The following SGCZ variants were observed in gnomAD, a reference collection of about 807,000 sequenced individuals.
SGCZ encodes the protein zeta-sarcoglycan.
In SGCZ, 40 loss-of-function variants were observed where a neutral mutation model predicts 41.3. That is an observed-to-expected ratio of 0.97 (90% CI 0.75 to 1.26). The LOEUF (loss-of-function observed/expected upper bound fraction) is 1.26. Ranked by LOEUF, SGCZ falls within the 50% of genes most tolerant of loss-of-function variation. SGCZ has a pLI of 0.00. For synonymous variants in SGCZ, 206 were observed against 137.5 expected (o/e 1.50, Z -3.49); for missense variants, 552 against 369.8 (o/e 1.49, Z -4.04).
At chr8:14,437,444 T>A (rs1451601901) in intron 2 of SGCZ, among the ~76,000 whole-genome samples, 1 of 152,152 alleles carries the variant, frequency 6.6e-6, no homozygotes. Context: ...AAATGTGTCA[T>A]CTATTAAGCA....
At position 14,844,643 on chromosome 8, in the gene SGCZ, T is replaced by G. The variant is rs73535054; in HGVS notation, c.40-289717A>C. On this transcript the variant is annotated intron_variant, in intron 1 of 7. Coordinates refer to ENST00000382080, the MANE Select transcript of SGCZ (RefSeq NM_139167.4). Reference sequence around the variant, plus strand: ...TGGGGCCTGTTTTTTTCCGAGCACATGAGCCTAAAGATGACTAATACAGCT... The same window carrying G: ...TGGGGCCTGTTTTTTTCCGAGCACAGGAGCCTAAAGATGACTAATACAGCT... Among the ~76,000 whole-genome samples the G allele has an allele frequency of 8.1e-3, 1,229 of 152,260 alleles. 20 individuals are homozygous for G. Among genetic ancestry groups the G allele is most frequent in the African/African-American group, 0.028 (1,152 of 41,574 alleles).
chr8:14,684,211 T>G (rs1451549173), intron 1 of SGCZ, among the ~76,000 whole-genome samples: 5 of 152,188 alleles, frequency 3.3e-5, no homozygotes, highest in Non-Finnish European at 7.4e-5. Flanking sequence ...TAATGCAATT[T>G]TTACTTGGCA....
intron 3 of SGCZ, among the ~76,000 whole-genome samples, chr8:14,260,661 G>T (rs865819020): frequency 2.0e-5 from 3 of 151,744 alleles, no homozygotes; most frequent in Non-Finnish European, 4.4e-5. Context: ...TGTTTATTGC[G>T]GCATTATTCT....
chr8:14,626,080 A>G (rs984840978), intron 1 of SGCZ, among the ~76,000 whole-genome samples: 8 of 152,184 alleles, frequency 5.3e-5, no homozygotes, highest in Non-Finnish European at 5.9e-5. Context: ...GGAGTCCACA[A>G]AATGTCAAAT....
chr8:14,489,963 G>A (rs1012916908), intron 2 of SGCZ, among the ~76,000 whole-genome samples: 4 of 150,712 alleles, frequency 2.7e-5, no homozygotes, highest in African/African-American at 9.8e-5. Context: ...CGCCTCCCAG[G>A]TTCAAGAGAT....
intron 1 of SGCZ, among the ~76,000 whole-genome samples, chr8:15,089,774 C>A (rs778781819): frequency 2.0e-5 from 3 of 152,098 alleles, no homozygotes; most frequent in Non-Finnish European, 4.4e-5. Flanking sequence ...AGTAAGTACT[C>A]AATACAGCTT....
chr8:14,139,863 C>G (rs1286628007), intron 5 of SGCZ, among the ~76,000 whole-genome samples: 1 of 152,126 alleles, frequency 6.6e-6, no homozygotes, highest in African/African-American at 2.4e-5. Context: ...GACACCAAAG[C>G]CTGGCAGAGA....
chr8:14,275,080 A>G (rs1442862177), intron 3 of SGCZ, among the ~76,000 whole-genome samples: 1 of 152,186 alleles, frequency 6.6e-6, no homozygotes, highest in East Asian at 1.9e-4. Context: ...ATGTACATGT[A>G]GGAATACAGA....
In SGCZ at chr8:14,309,704, G is replaced by C. The variant is rs186014310; in HGVS notation, c.336+14399C>G. On this transcript the variant is annotated intron_variant, in intron 3 of 7. Transcript: ENST00000382080. ...ACACCTTCTGAGTATTCTCACAGGAGACTGAGTTAAGCAATCGAGATTTGG... is the reference window on the plus strand; with the variant it reads ...ACACCTTCTGAGTATTCTCACAGGACACTGAGTTAAGCAATCGAGATTTGG... The C allele has an allele frequency of 9.7e-4, 1,557 of 1,609,200 alleles. 2 individuals carry two copies. The highest frequency in any genetic ancestry group is 1.2e-3 in the Non-Finnish European group (1,415 of 1,178,140).
At chr8:14,887,673 A>G (rs545158488) in intron 1 of SGCZ, among the ~76,000 whole-genome samples, 2 of 152,318 alleles carry the variant, frequency 1.3e-5, no homozygotes, top group African/African-American at 4.8e-5. Context: ...AAATGTAAAC[A>G]ATAATGAACA....
At chr8:14,200,561 A>G (rs1805420974) in intron 4 of SGCZ, among the ~76,000 whole-genome samples, 1 of 152,190 alleles carries the variant, frequency 6.6e-6, no homozygotes, top group Admixed American at 6.6e-5. Flanking sequence ...TATAAAATAA[A>G]TGATTTTCTG....
chr8:14,392,066 G>T (rs144286642), intron 2 of SGCZ, among the ~76,000 whole-genome samples: 5 of 152,126 alleles, frequency 3.3e-5, no homozygotes, highest in African/African-American at 1.2e-4. Context: ...TATAGCAAGG[G>T]GAGATGGAGA....
At chr8:15,032,867 C>T (rs1803730236) in intron 1 of SGCZ, among the ~76,000 whole-genome samples, 3 of 152,158 alleles carry the variant, frequency 2.0e-5, no homozygotes, top group Non-Finnish European at 4.4e-5. Flanking sequence ...TCAAAGCCTA[C>T]TCAGTTCCAA....
intron 1 of SGCZ, among the ~76,000 whole-genome samples, chr8:14,870,066 T>C (rs1804089901): frequency 6.6e-6 from 1 of 152,098 alleles, no homozygotes; most frequent in African/African-American, 2.4e-5. Flanking sequence ...TTCACAGAAC[T>C]AGAAAAAAAT....
intron 1 of SGCZ, among the ~76,000 whole-genome samples, chr8:15,158,160 T>G (rs1379244863): frequency 7.2e-6 from 1 of 139,612 alleles, no homozygotes; most frequent in Non-Finnish European, 1.5e-5. Context: ...TTTTTCTAGT[T>G]TGCCACAAAA....
intron 1 of SGCZ, among the ~76,000 whole-genome samples, chr8:15,109,524 G>A (rs1383518575): frequency 3.3e-5 from 5 of 152,110 alleles, no homozygotes; most frequent in African/African-American, 1.2e-4. Context: ...AGTCACAGAA[G>A]ATTTAATTGC....
chr8:14,459,827 A>G (rs974567098), intron 2 of SGCZ, among the ~76,000 whole-genome samples: 13 of 152,206 alleles, frequency 8.5e-5, no homozygotes, highest in African/African-American at 2.7e-4. Context: ...ACGCAATATA[A>G]TCAAAAGAAA....
At chr8:15,032,792 C>T (rs554358476) in intron 1 of SGCZ, among the ~76,000 whole-genome samples, 1 of 152,150 alleles carries the variant, frequency 6.6e-6, no homozygotes, top group Non-Finnish European at 1.5e-5. Flanking sequence ...TCAGCTCCTA[C>T]AGCCCTAGAC....
chr8:14,457,216 C>G (rs1304095836), intron 2 of SGCZ, among the ~76,000 whole-genome samples: 3 of 152,144 alleles, frequency 2.0e-5, no homozygotes, highest in Non-Finnish European at 2.9e-5. Context: ...CTAGGAAAAA[C>G]CAGGCCATAC....
Sources: gnomAD v4.1 joint callset for allele counts (sites outside exome capture counted in the v4.1 genomes callset) on GRCh38, gnomAD v4.1.1 for gene constraint, MANE v1.5 for transcripts, NCBI Gene and HGNC (gene_info 2026-07-23, HGNC 2026-07-21) for gene names.